Variants in CCDC175 observed in about 807,000 individuals in gnomAD.
The protein encoded by CCDC175 is coiled-coil domain-containing protein 175.
A neutral mutation model predicts 114.6 loss-of-function variants in CCDC175; 100 were observed. The observed-to-expected ratio is 0.87, with a 90% CI of 0.74 to 1.03. The LOEUF (loss-of-function observed/expected upper bound fraction) is 1.03. CCDC175 is among the 50% of genes least tolerant of loss of function. The probability of loss-of-function intolerance (pLI) is 0.00; values close to 1 mark genes in which losing one functional copy is unlikely to be tolerated. For missense variants in CCDC175, 880 were observed against 917.8 expected (o/e 0.96, Z 0.53); for synonymous variants, 306 against 308.7 (o/e 0.99, Z 0.09).
intron 17 of CCDC175, among the ~76,000 whole-genome samples, chr14:59,512,788 A>G (rs1273758678): frequency 6.7e-6 from 1 of 148,544 alleles, no homozygotes; most frequent in African/African-American, 2.5e-5. Flanking sequence ...CACAAACCCA[A>G]TTAAGATCTC....
At chr14:59,528,168 A>G (rs1301899254) in intron 14 of CCDC175, among the ~76,000 whole-genome samples, 1 of 151,992 alleles carries the variant, frequency 6.6e-6, no homozygotes. Flanking sequence ...TTTTGAAGGC[A>G]TTGTCTTATA....
intron 13 of CCDC175, among the ~76,000 whole-genome samples, chr14:59,535,078 C>T (rs969163603): frequency 1.1e-4 from 16 of 152,178 alleles, no homozygotes; most frequent in African/African-American, 3.9e-4. Flanking sequence ...TTTTGGGCTC[C>T]TCATGCCACT....
chr14:59,514,016 G>A (rs757791200), intron 17 of CCDC175, among the ~76,000 whole-genome samples: 2 of 152,174 alleles, frequency 1.3e-5, no homozygotes, highest in African/African-American at 2.4e-5. Context: ...ACCAATATCC[G>A]CTGTTCTGCA....
intron 8 of CCDC175, among the ~76,000 whole-genome samples, chr14:59,548,983 T>C (rs1025978429): frequency 6.6e-6 from 1 of 152,208 alleles, no homozygotes; most frequent in Admixed American, 6.5e-5. Flanking sequence ...GATGAGGAAC[T>C]GTGAGAGAAA....
intron 1 of CCDC175, among the ~76,000 whole-genome samples, chr14:59,575,764 C>T (rs1399341412): frequency 6.6e-6 from 1 of 152,238 alleles, no homozygotes; most frequent in African/African-American, 2.4e-5. Flanking sequence ...CCGCCTCGGC[C>T]TCCCAAAGTG....
intron 13 of CCDC175, 78 bp from the exon 14 acceptor site, chr14:59,531,988 T>A (rs956880239): frequency 1.9e-5 from 14 of 730,162 alleles, no homozygotes; most frequent in Non-Finnish European, 2.4e-5. Flanking sequence ...ATATAAGTTT[T>A]TTGAGGGAAA....
chr14:59,568,371 C>T lies in CCDC175; in HGVS notation c.365G>A (p.Arg122Gln), dbSNP rs760935783. 6.5e-5 allele frequency: 99 copies of T among 1,513,210 alleles called. No homozygotes were observed. The highest frequency in any genetic ancestry group is 7.5e-5 in the East Asian group (3 of 39,836). The allele number at this position is 1,513,210 out of a possible 1,614,324, so 93.7% of individuals were successfully genotyped here. The change falls in exon 4 of 20, where the codon CGA becomes CAA. Residue 122 changes from arginine (R) to glutamine (Q), a missense_variant. By Grantham distance (43) the Arg-to-Gln change is conservative (BLOSUM62 1). Coordinates refer to ENST00000537690, the MANE Select transcript of CCDC175 (RefSeq NM_001164399.2). ...SIKRELEECV[R>Q]DARRLNLFEI... is the part of the protein sequence containing the mutation. ...AAAAAGATTTAATCTGCGAGCGTCTCGGACACATTCTTCAAAGTAAGTGGA... is the reference window on the plus strand; with the variant it reads ...AAAAAGATTTAATCTGCGAGCGTCTTGGACACATTCTTCAAAGTAAGTGGA...
At chr14:59,544,732 G>A (rs1895001526) in intron 9 of CCDC175, among the ~76,000 whole-genome samples, 1 of 152,186 alleles carries the variant, frequency 6.6e-6, no homozygotes, top group Non-Finnish European at 1.5e-5. Flanking sequence ...GGGCATTAGT[G>A]TCGTGATAAT....
At position 59,505,103 on chromosome 14, in the gene CCDC175, TTGG is replaced by T. The variant is rs1305740373; in HGVS notation, c.*133_*135del. The T allele has an allele frequency of 2.2e-6, 1 of 447,758 alleles. No homozygotes were observed. Among genetic ancestry groups the T allele is most frequent in the African/African-American group, 2.0e-5 (1 of 50,454 alleles). 27.7% of individuals were successfully genotyped at this position (447,758 alleles called of 1,614,324 possible). A position where few individuals can be genotyped will look rare whatever the true frequency, so the allele number is the denominator to read the frequency against. ...TGTTTAGAAGTTTATTTACTGATACTTGGTGGAGGTTGTGTGAATTAGTTAAAT... is the reference window on the plus strand; with the variant it reads ...TGTTTAGAAGTTTATTTACTGATACTTGGAGGTTGTGTGAATTAGTTAAAT... On this transcript the variant is annotated 3_prime_UTR_variant, in exon 20 of 20. Transcript: ENST00000537690.
At chr14:59,569,302 A>T (rs1227590800) in intron 3 of CCDC175, among the ~76,000 whole-genome samples, 2 of 152,186 alleles carry the variant, frequency 1.3e-5, no homozygotes, top group South Asian at 2.1e-4. Context: ...TCAAATATGC[A>T]CATACATCAT....
In CCDC175 at chr14:59,505,254, AT is replaced by A; in HGVS notation, c.2366del (p.Asn789IlefsTer3). ...HFPVVKCTEK[N>X]TLTK ...TATCCTTGAGTTACTTTGTTAATGT[AT>A]TTTTCTCAGTACATTTAACCACTGG... On this transcript the variant is annotated frameshift_variant, in exon 20 of 20. Coordinates refer to ENST00000537690, the MANE Select transcript of CCDC175 (RefSeq NM_001164399.2). LOFTEE classifies it high-confidence loss of function. 1 of 1,496,430 alleles carries A rather than the reference AT, an allele frequency of 6.7e-7. No individual in the cohort carries two copies. Among genetic ancestry groups the A allele is most frequent in the Admixed American group, 2.0e-5 (1 of 49,708 alleles). 92.7% of individuals were successfully genotyped at this position (1,496,430 alleles called of 1,614,324 possible). A position where few individuals can be genotyped will look rare whatever the true frequency, so the allele number is the denominator to read the frequency against.
intron 6 of CCDC175, among the ~76,000 whole-genome samples, chr14:59,562,793 G>C (rs1896298375): frequency 6.6e-6 from 1 of 152,178 alleles, no homozygotes; most frequent in African/African-American, 2.4e-5. Context: ...CATGCAGATA[G>C]AATACGTTTT....
chr14:59,549,559 A>C (rs529911754), intron 8 of CCDC175, among the ~76,000 whole-genome samples: 1 of 152,018 alleles, frequency 6.6e-6, no homozygotes, highest in East Asian at 1.9e-4. Context: ...GTCTCTATTA[A>C]AAGTACAAAA....
At chr14:59,521,703 T>C in intron 16 of CCDC175, 27 bp from the exon 17 acceptor site, 1 of 1,242,758 alleles carries the variant, frequency 8.0e-7, no homozygotes, top group South Asian at 1.3e-5. Flanking sequence ...TGTGATTGCT[T>C]TTAGCAGTTT....
At chr14:59,554,941 C>G (rs188340453) in intron 7 of CCDC175, among the ~76,000 whole-genome samples, 1 of 152,206 alleles carries the variant, frequency 6.6e-6, no homozygotes, top group Non-Finnish European at 1.5e-5. Flanking sequence ...CTGAATAGAC[C>G]AATAACAGGC....
intron 13 of CCDC175, 70 bp from the exon 14 acceptor site, chr14:59,531,980 A>G (rs1000897286): frequency 1.6e-5 from 13 of 791,856 alleles, no homozygotes; most frequent in Non-Finnish European, 2.3e-5. Flanking sequence ...AAAGTAGAAT[A>G]TAAGTTTTTT....
rs869026632 is a variant in CCDC175, at chr14:59,540,672, T to TTTA, written c.1355+2_1355+3insTAA. ...ACTTTTTTTTTTTTTTTTTTTTTTT[T>TTTA]ACCATCTCTGACTTTCTCTTTCCAG... On this transcript the variant is annotated splice_region_variant and intron_variant, in intron 11 of 19. Transcript: ENST00000537690. 2 of 1,476,156 alleles carry TTTA rather than the reference T, an allele frequency of 1.4e-6. No homozygotes were observed. Among genetic ancestry groups the TTTA allele is most frequent in the East Asian group, 4.9e-5 (2 of 40,512 alleles). The allele number at this position is 1,476,156 out of a possible 1,614,324, so 91.4% of individuals were successfully genotyped here. A position where few individuals can be genotyped will look rare whatever the true frequency, so the allele number is the denominator to read the frequency against.
chr14:59,516,556 C>T (rs1322489743), intron 17 of CCDC175, among the ~76,000 whole-genome samples: 2 of 152,188 alleles, frequency 1.3e-5, no homozygotes, highest in Non-Finnish European at 1.5e-5. Context: ...TGCAAATAAG[C>T]TAGAAAATCT....
chr14:59,510,855 A>G (rs549961986), intron 18 of CCDC175, 47 bp from the exon 19 acceptor site: 689 of 1,478,688 alleles, frequency 4.7e-4, no homozygotes, highest in Non-Finnish European at 6.0e-4. Flanking sequence ...TTGCTACAAC[A>G]TAAATAAATA....
Sources: gnomAD v4.1 joint callset for allele counts (sites outside exome capture counted in the v4.1 genomes callset) on GRCh38, gnomAD v4.1.1 for gene constraint, MANE v1.5 for transcripts, NCBI Gene and HGNC (gene_info 2026-07-23, HGNC 2026-07-21) for gene names.